SBNO2: variants seen among roughly 807,000 people sequenced by gnomAD.
SBNO2 encodes strawberry notch homolog 2, also known as protein strawberry notch homolog 2.
In SBNO2, 89 loss-of-function variants were observed where a neutral mutation model predicts 146.3. The ratio of observed to expected loss-of-function variants is 0.61; its 90% CI spans 0.51 to 0.73. The LOEUF (loss-of-function observed/expected upper bound fraction) is 0.73. SBNO2 is among the 30% of genes least tolerant of loss of function. SBNO2 has a pLI of 0.00. For synonymous variants in SBNO2, 1,147 were observed against 892.6 expected, an observed-to-expected ratio of 1.29 and a Z score of -5.08; for missense variants, 2,092 against 2,003.7, an observed-to-expected ratio of 1.04 and a Z score of -0.84.
chr19:1,156,459 C>G (rs1282238387), intron 1 of SBNO2, among the ~76,000 whole-genome samples: 1 of 152,128 alleles, frequency 6.6e-6, no homozygotes, highest in Admixed American at 6.5e-5. Context: ...TCCTCACACA[C>G]GGCTGCTTGG....
At chr19:1,168,188 AC>A (rs1260011474) in intron 1 of SBNO2, among the ~76,000 whole-genome samples, 2 of 151,718 alleles carry the variant, frequency 1.3e-5, no homozygotes, top group Non-Finnish European at 2.9e-5. Flanking sequence ...CCACACCCCC[AC>A]CCCGGGGCAG....
In SBNO2 at chr19:1,108,117, C is replaced by A; in HGVS notation, c.*103G>T. The A allele has an allele frequency of 8.0e-7, 1 of 1,254,962 alleles. No individual in the cohort carries two copies. The highest frequency in any genetic ancestry group is 1.6e-5 in the African/African-American group (1 of 61,338). 77.7% of individuals were successfully genotyped at this position (1,254,962 alleles called of 1,614,324 possible). On this transcript the variant is annotated 3_prime_UTR_variant, in exon 32 of 32. Coordinates refer to ENST00000361757, the MANE Select transcript of SBNO2 (RefSeq NM_014963.3). The stretch of plus-strand genomic sequence containing the variant: ...AAGGCACTGCGGCCAGGGCCTAGGG[C>A]TCCTCTGAGCAGTGGTCAGGGGACC...
chr19:1,130,610 A>C (rs1006007081), intron 4 of SBNO2, among the ~76,000 whole-genome samples: 13 of 152,266 alleles, frequency 8.5e-5, no homozygotes, highest in South Asian at 8.3e-4. Flanking sequence ...TGGGCAACAC[A>C]GCAAGACTCC....
chr19:1,127,900 C>T, intron 4 of SBNO2, 135 bp from the exon 5 acceptor site: 1 of 773,476 alleles, frequency 1.3e-6, no homozygotes, highest in South Asian at 1.7e-5. Context: ...GACACCACGG[C>T]CCTCCCAGGT....
chr19:1,114,093 G>C, intron 18 of SBNO2, 138 bp downstream of exon 18: 1 of 761,600 alleles, frequency 1.3e-6, no homozygotes, highest in Admixed American at 3.4e-5. Flanking sequence ...GCTGGACTGA[G>C]GGCTACAACC....
Position 1,126,999 on chromosome 19 carries a change from C to T in SBNO2, c.441+605G>A, listed in dbSNP as rs1202490401. On this transcript the variant is annotated intron_variant, in intron 5 of 31. Coordinates refer to ENST00000361757, the MANE Select transcript of SBNO2 (RefSeq NM_014963.3). This position sits in a 1 kb window ranked among gnomAD's most constrained non-coding sequence, Gnocchi z 4.4. ...CTTCAGGAGCTTCTTGGAGGCAAACCCCAGCCCCTCAGCCCCCACGGACAA... is the reference window on the plus strand; with the variant it reads ...CTTCAGGAGCTTCTTGGAGGCAAACTCCAGCCCCTCAGCCCCCACGGACAA... Among the ~76,000 whole-genome samples, 1 of 152,172 alleles carries T rather than the reference C, an allele frequency of 6.6e-6. No individual in the cohort carries two copies. Among genetic ancestry groups the T allele is most frequent in the Non-Finnish European group, 1.5e-5 (1 of 68,034 alleles).
chr19:1,160,610 G>A (rs1195917087), intron 1 of SBNO2, among the ~76,000 whole-genome samples: 3 of 152,214 alleles, frequency 2.0e-5, no homozygotes, highest in Admixed American at 6.5e-5. Context: ...GCTCACTGCA[G>A]CCTTCGCCTC....
Position 1,122,810 on chromosome 19 carries a change from C to CCTG in SBNO2, c.781-20_781-19insCAG. ...CGTGTTGCTGTTGCCGGAGAGCAGG[C>CCTG]GTCAGGGCCTGGGGGTGCTGGCCCG... On this transcript the variant is annotated intron_variant, in intron 8 of 31. Coordinates refer to ENST00000361757, the MANE Select transcript of SBNO2 (RefSeq NM_014963.3). 1.3e-6 allele frequency: 2 copies of CCTG among 1,538,032 alleles called. No homozygotes were observed. The highest frequency in any genetic ancestry group is 1.7e-6 in the Non-Finnish European group (2 of 1,146,068).
At chr19:1,160,653 T>C (rs1453104092) in intron 1 of SBNO2, among the ~76,000 whole-genome samples, 2 of 152,046 alleles carry the variant, frequency 1.3e-5, no homozygotes, top group African/African-American at 2.4e-5. Flanking sequence ...CCTCAGCTTC[T>C]GGAGTAACTG....
At chr19:1,133,700 G>A (rs927920059) in intron 4 of SBNO2, among the ~76,000 whole-genome samples, 10 of 151,788 alleles carry the variant, frequency 6.6e-5, no homozygotes, top group African/African-American at 2.4e-4. Flanking sequence ...CGCTCAATCC[G>A]GCAGCCAATC....
chr19:1,141,130 C>T (rs1418397743), intron 4 of SBNO2, among the ~76,000 whole-genome samples: 1 of 151,854 alleles, frequency 6.6e-6, no homozygotes, highest in Non-Finnish European at 1.5e-5. Flanking sequence ...GGAGAAGAGG[C>T]ACCCTGGAGA....
intron 1 of SBNO2, among the ~76,000 whole-genome samples, chr19:1,164,430 A>G (rs2080383333): frequency 1.4e-5 from 2 of 146,664 alleles, no homozygotes; most frequent in African/African-American, 2.5e-5. Context: ...CAGGAGGAGG[A>G]GGAGGAGGAG....
intron 11 of SBNO2, 77 bp downstream of exon 11, chr19:1,122,062 C>T (rs2079906624): frequency 3.0e-6 from 3 of 1,016,676 alleles, no homozygotes; most frequent in Non-Finnish European, 3.9e-6. Context: ...CACCCCTCCT[C>T]TCCCACTCCT....
At chr19:1,138,848 G>A (rs1326425124) in intron 4 of SBNO2, among the ~76,000 whole-genome samples, 3 of 141,826 alleles carry the variant, frequency 2.1e-5, no homozygotes, top group Admixed American at 2.1e-4. Context: ...CCTCCATCAC[G>A]GACAGACACA....
At chr19:1,163,097 C>A (rs943625201) in intron 1 of SBNO2, among the ~76,000 whole-genome samples, 4 of 152,194 alleles carry the variant, frequency 2.6e-5, no homozygotes, top group Non-Finnish European at 4.4e-5. Context: ...ACAGAGAGGG[C>A]ACCGGGGTGA....
At chr19:1,135,995 C>T (rs1368118224) in intron 4 of SBNO2, among the ~76,000 whole-genome samples, 2 of 151,838 alleles carry the variant, frequency 1.3e-5, no homozygotes, top group African/African-American at 2.4e-5. Flanking sequence ...TTTGGGAATC[C>T]GGTCCTTGCA....
Position 1,112,625 on chromosome 19 carries a change from C to T in SBNO2, c.2380-88G>A. 1.4e-6 allele frequency: 2 copies of T among 1,471,322 alleles called. No homozygotes were observed. The highest frequency in any genetic ancestry group is 9.0e-7 in the Non-Finnish European group (1 of 1,112,512). The allele number at this position is 1,471,322 out of a possible 1,614,324, so 91.1% of individuals were successfully genotyped here. On this transcript the variant is annotated intron_variant, in intron 20 of 31. Transcript: ENST00000361757. This position sits in a 1 kb window ranked among gnomAD's most constrained non-coding sequence, Gnocchi z 5.9. ...CTCCTCACCCACTAGGCCCCCGCTC[C>T]AGGTCACCAGGACGTCCCGGGGCAG... is the stretch of plus-strand genomic sequence containing the variant.
chr19:1,116,857 G>A lies in SBNO2; in HGVS notation c.1774C>T (p.His592Tyr). ...TREVLGENDG[H>Y]LNCFVSAAEG... ...GCGGCCGAGACGAAGCAGTTGAGGT[G>A]CCCATCGTTCTCCCCCAGCACCTCC... The change falls in exon 16 of 32, where the codon CAC (histidine) becomes TAC (tyrosine). Residue 592 changes from histidine (H) to tyrosine (Y), a missense_variant. Physicochemically the swap from His to Tyr is moderately conservative, Grantham distance 83 (BLOSUM62 2). Coordinates refer to ENST00000361757, the MANE Select transcript of SBNO2 (RefSeq NM_014963.3). 1 of 1,591,136 alleles carries A rather than the reference G, an allele frequency of 6.3e-7. No homozygotes were observed.
chr19:1,111,425 G>T, intron 24 of SBNO2, 81 bp downstream of exon 24: 1 of 989,190 alleles, frequency 1.0e-6, no homozygotes, highest in Non-Finnish European at 1.5e-6. Flanking sequence ...GGCCTACAAA[G>T]CCTGCTGCCC....
Sources: gnomAD v4.1 joint callset for allele counts (sites outside exome capture counted in the v4.1 genomes callset) on GRCh38, gnomAD v4.1.1 for gene constraint, Gnocchi (gnomAD v3.1) non-coding constraint, MANE v1.5 for transcripts, NCBI Gene and HGNC (gene_info 2026-07-23, HGNC 2026-07-21) for gene names.